KCNIP1: variants seen among roughly 807,000 people sequenced by gnomAD.
KCNIP1 encodes A-type potassium channel modulatory protein KCNIP1.
KCNIP1 carries 18 observed loss-of-function variants against 33.0 expected under a neutral mutation model. That is an observed-to-expected ratio of 0.55 (90% confidence interval 0.38 to 0.81). The LOEUF (loss-of-function observed/expected upper bound fraction) is 0.81. Among genes scored for constraint, KCNIP1 ranks in the 30% least tolerant of loss-of-function variants. The pLI is 0.00. For synonymous variants in KCNIP1, 93 were observed against 98.3 expected (o/e 0.95, Z 0.32); for missense variants, 238 against 271.6 (o/e 0.88, Z 0.87).
At chr5:170,733,394 T>G (rs1764275319) in intron 6 of KCNIP1, among the ~76,000 whole-genome samples, 1 of 151,916 alleles carries the variant, frequency 6.6e-6, no homozygotes, top group Non-Finnish European at 1.5e-5. Flanking sequence ...AGCGGTGGAG[T>G]ATCAGAGAAT....
intron 1 of KCNIP1, among the ~76,000 whole-genome samples, chr5:170,545,971 C>T (rs1756393611): frequency 6.6e-6 from 1 of 152,236 alleles, no homozygotes; most frequent in Admixed American, 6.5e-5. Flanking sequence ...TCAGCTGATA[C>T]ATTCCACCAG....
intron 1 of KCNIP1, among the ~76,000 whole-genome samples, chr5:170,379,706 T>A (rs995505774): frequency 6.6e-6 from 1 of 152,174 alleles, no homozygotes; most frequent in African/African-American, 2.4e-5. Context: ...CCTAACACTT[T>A]GGGAAGCCGA....
rs78932236 is a variant in KCNIP1 at position 170,613,804 on chromosome 5, C to G, written c.62-104954C>G. ...GACCACGAAGGATGACAAAGAGCTT[C>G]TTAAAAAGGGAACTCAAGGCCCAAA... On this transcript the variant is annotated intron_variant, in intron 1 of 7. Transcript: ENST00000328939. 3.4e-3 allele frequency among the ~76,000 whole-genome samples: 511 copies of G among 152,300 alleles called. 5 individuals are homozygous for G. Among genetic ancestry groups the G allele is most frequent in the African/African-American group, 0.012 (498 of 41,566 alleles).
At chr5:170,695,517 A>C (rs1269163019) in intron 1 of KCNIP1, among the ~76,000 whole-genome samples, 2 of 152,248 alleles carry the variant, frequency 1.3e-5, no homozygotes, top group African/African-American at 4.8e-5. Context: ...TTTGCACTGT[A>C]TATTCATCCG....
chr5:170,453,304 C>T (rs1450270119), intron 1 of KCNIP1, among the ~76,000 whole-genome samples: 3 of 152,192 alleles, frequency 2.0e-5, no homozygotes, highest in Non-Finnish European at 2.9e-5. Context: ...GAAGTGGCCT[C>T]TATTTCAATG....
At chr5:170,446,194 C>T (rs1315309500) in intron 1 of KCNIP1, among the ~76,000 whole-genome samples, 1 of 152,186 alleles carries the variant, frequency 6.6e-6, no homozygotes, top group Non-Finnish European at 1.5e-5. Context: ...GGGATATGTT[C>T]TCCCCTTTTA....
intron 1 of KCNIP1, among the ~76,000 whole-genome samples, chr5:170,517,373 G>A (rs1194851095): frequency 2.0e-5 from 3 of 152,174 alleles, no homozygotes; most frequent in Non-Finnish European, 4.4e-5. Flanking sequence ...ATTAACTACA[G>A]TTCAACATGG....
At chr5:170,647,988 CAAGG>C (rs1760858863) in intron 1 of KCNIP1, among the ~76,000 whole-genome samples, 1 of 151,958 alleles carries the variant, frequency 6.6e-6, no homozygotes, top group East Asian at 1.9e-4. Context: ...GACATTTCAC[CAAGG>C]AAGATATACA....
At chr5:170,425,666 G>A (rs1561619849) in intron 1 of KCNIP1, among the ~76,000 whole-genome samples, 1 of 152,162 alleles carries the variant, frequency 6.6e-6, no homozygotes, top group Non-Finnish European at 1.5e-5. Context: ...TGAATTGGCT[G>A]CAACTCCACC....
At chr5:170,495,915 T>G (rs965795912) in intron 1 of KCNIP1, among the ~76,000 whole-genome samples, 1 of 152,194 alleles carries the variant, frequency 6.6e-6, no homozygotes, top group Admixed American at 6.5e-5. Context: ...CTTCCTGGGT[T>G]TCTTCCTTTT....
intron 1 of KCNIP1, among the ~76,000 whole-genome samples, chr5:170,587,813 T>C (rs542260916): frequency 2.6e-5 from 4 of 152,352 alleles, no homozygotes; most frequent in Middle Eastern, 3.4e-3. Context: ...TCTTACCATG[T>C]AAGGTAACAT....
chr5:170,648,248 T>G (rs1760873024), intron 1 of KCNIP1, among the ~76,000 whole-genome samples: 1 of 152,216 alleles, frequency 6.6e-6, no homozygotes, highest in African/African-American at 2.4e-5. Flanking sequence ...AACAGACCCT[T>G]ACCATAAGAT....
chr5:170,379,028 AG>A (rs1764129161), intron 1 of KCNIP1: 1 of 1,581,812 alleles, frequency 6.3e-7, no homozygotes. Flanking sequence ...TTCTTAGCCA[AG>A]GGCTTGATAT....
chr5:170,598,912 T>TGTGCGC (rs1758575437), intron 1 of KCNIP1, among the ~76,000 whole-genome samples: 1 of 148,234 alleles, frequency 6.7e-6, no homozygotes, highest in Non-Finnish European at 1.5e-5. Context: ...CGCGTGTGTG[T>TGTGCGC]GTGTGTGTGT....
In KCNIP1 at chr5:170,622,718, G is replaced by T. The variant is rs889404118; in HGVS notation, c.62-96040G>T. On this transcript the variant is annotated intron_variant, in intron 1 of 7. Transcript: ENST00000328939. ...TAGTGGGATGCAGCGCGAGGCTAAG[G>T]AGTGTCTGGGGCCACCAGAAGCCAG... 3.9e-5 allele frequency among the ~76,000 whole-genome samples: 6 copies of T among 152,040 alleles called. No individual in the cohort carries two copies. The South Asian group carries it at 1.2e-3, about 32-fold the overall frequency.
At chr5:170,506,861 A>G (rs148696546) in intron 1 of KCNIP1, among the ~76,000 whole-genome samples, 1 of 152,238 alleles carries the variant, frequency 6.6e-6, no homozygotes, top group Non-Finnish European at 1.5e-5. Context: ...TCCCCCAGGT[A>G]TTTGCCCCCG....
chr5:170,674,677 G>T (rs1762061531), intron 1 of KCNIP1, among the ~76,000 whole-genome samples: 1 of 152,202 alleles, frequency 6.6e-6, no homozygotes, highest in South Asian at 2.1e-4. Context: ...TGGAATCCTG[G>T]AAGCAGGGTT....
chr5:170,372,256 G>T (rs554386041), intron 1 of KCNIP1, among the ~76,000 whole-genome samples: 1 of 152,156 alleles, frequency 6.6e-6, no homozygotes, highest in Non-Finnish European at 1.5e-5. Context: ...ACAGGCAGAC[G>T]GAAGAGACAC....
intron 1 of KCNIP1, among the ~76,000 whole-genome samples, chr5:170,677,364 A>C (rs1190523327): frequency 6.6e-6 from 1 of 152,176 alleles, no homozygotes; most frequent in Non-Finnish European, 1.5e-5. Context: ...ACTGGGTATC[A>C]GGGACTGTGC....
Sources: allele counts gnomAD v4.1 joint callset (sites outside exome capture counted in the v4.1 genomes callset), GRCh38; gene constraint gnomAD v4.1.1; transcripts MANE v1.5; gene names NCBI Gene and HGNC (gene_info 2026-07-23, HGNC 2026-07-21).